The following SCN9A variants were observed in gnomAD, a reference collection of about 807,000 sequenced individuals.
The protein encoded by SCN9A is sodium voltage-gated channel alpha subunit 9.
In SCN9A, 131 loss-of-function variants were observed where a neutral mutation model predicts 187.0. The ratio of observed to expected loss-of-function variants is 0.70; its 90% confidence interval spans 0.61 to 0.81. SCN9A has a LOEUF of 0.81. SCN9A is among the 30% of genes least tolerant of loss of function. SCN9A has a pLI of 0.00. For synonymous variants in SCN9A, 809 were observed against 808.6 expected (o/e 1.00, Z -0.01); for missense variants, 2,252 against 2,396.6 (o/e 0.94, Z 1.26).
chr2:166,348,922 T>G (rs1699966486), intron 1 of SCN9A, among the ~76,000 whole-genome samples: 1 of 152,012 alleles, frequency 6.6e-6, no homozygotes, highest in African/African-American at 2.4e-5. Context: ...GGTCGGAAGT[T>G]CAAGACCAGC....
intron 22 of SCN9A, among the ~76,000 whole-genome samples, chr2:166,227,975 AT>A (rs1694911751): frequency 6.6e-6 from 1 of 152,092 alleles, no homozygotes; most frequent in Non-Finnish European, 1.5e-5. Context: ...ATAACCTTTT[AT>A]TTTTTAAAGG....
chr2:166,205,732 A>G (rs1020689496), intron 24 of SCN9A, among the ~76,000 whole-genome samples: 30 of 152,168 alleles, frequency 2.0e-4, no homozygotes, highest in Non-Finnish European at 3.8e-4. Context: ...GGCAACCTAC[A>G]GAATGGGAGA....
chr2:166,334,764 C>G (rs73969701), intron 1 of SCN9A, among the ~76,000 whole-genome samples: 2,093 of 152,202 alleles, frequency 0.014, 43 homozygotes, highest in African/African-American at 0.048. Flanking sequence ...TGTCCTATAG[C>G]ACTAGAAAAT....
intron 1 of SCN9A, among the ~76,000 whole-genome samples, chr2:166,317,582 A>G (rs570063206): frequency 7.9e-5 from 12 of 152,326 alleles, no homozygotes; most frequent in East Asian, 1.9e-4. Context: ...CTTATTTTCT[A>G]TGTATGCAGA....
intron 16 of SCN9A, 88 bp downstream of exon 16, chr2:166,276,895 A>G: frequency 1.1e-6 from 1 of 937,206 alleles, no homozygotes; most frequent in Non-Finnish European, 1.5e-6. Context: ...AGATATAATT[A>G]ATTATAAAAT....
At chr2:166,291,825 G>C (rs1319971627) in intron 9 of SCN9A, among the ~76,000 whole-genome samples, 2 of 152,156 alleles carry the variant, frequency 1.3e-5, no homozygotes, top group Non-Finnish European at 2.9e-5. Flanking sequence ...ATGTGGAAAG[G>C]ATTCCCTATA....
chr2:166,205,662 G>T (rs1693763214), intron 24 of SCN9A, among the ~76,000 whole-genome samples: 1 of 152,070 alleles, frequency 6.6e-6, no homozygotes, highest in African/African-American at 2.4e-5. Context: ...ACAGACAAAT[G>T]GGATCTAATT....
In SCN9A at chr2:166,349,439, AAT is replaced by A. The variant is rs1262688084; in HGVS notation, c.-51+26256_-51+26257del. ...CTGTTGTATTTGTTATCATTTTCTA[AAT>A]AGTCTCATTTTATTTATTTCAATTT... On this transcript the variant is annotated intron_variant, in intron 1 of 26. Coordinates refer to ENST00000642356, the MANE Select transcript of SCN9A (RefSeq NM_001365536.1). 4.6e-5 allele frequency among the ~76,000 whole-genome samples: 7 copies of A among 152,330 alleles called. No individual in the cohort carries two copies. In the East Asian group the frequency reaches 1.4e-3, roughly 29 times the overall value.
chr2:166,362,617 C>T (rs754694440), intron 1 of SCN9A, among the ~76,000 whole-genome samples: 2 of 151,938 alleles, frequency 1.3e-5, no homozygotes, highest in Non-Finnish European at 2.9e-5. Flanking sequence ...AATTCCTATC[C>T]TTCCTCAAAT....
rs1212910766 is a variant in SCN9A, at chr2:166,311,024, A to G, written c.258+475T>C. Among the ~76,000 whole-genome samples, 21 of 104,398 alleles carry G rather than the reference A, an allele frequency of 2.0e-4. 1 individual carries two copies. The highest frequency in any genetic ancestry group is 9.1e-4 in the African/African-American group (21 of 23,006). The allele number at this position is 104,398 out of a possible 152,430, so 68.5% of individuals were successfully genotyped here. On this transcript the variant is annotated intron_variant, in intron 2 of 26. Transcript: ENST00000642356. ...AAAAAACCAAACACCGCATATTCTC[A>G]CTCATAGGTGGGAATTGAACAATGA...
At chr2:166,227,170 C>T (rs1419509733) in intron 23 of SCN9A, among the ~76,000 whole-genome samples, 1 of 152,036 alleles carries the variant, frequency 6.6e-6, no homozygotes, top group Non-Finnish European at 1.5e-5. Flanking sequence ...TAGCATGGAA[C>T]TTATTTCACA....
intron 1 of SCN9A, among the ~76,000 whole-genome samples, chr2:166,347,947 T>G (rs142480223): frequency 6.6e-6 from 1 of 152,118 alleles, no homozygotes; most frequent in East Asian, 1.9e-4. Flanking sequence ...AAATACATGG[T>G]GTCTAGTCAT....
Position 166,304,334 on chromosome 2 carries a change from A to G in SCN9A, c.597-5T>C. On this transcript the variant is annotated splice_polypyrimidine_tract_variant and splice_region_variant and intron_variant, in intron 5 of 26. Transcript: ENST00000642356. ...TTTACAAATTCTGTTAAATACCTGT[A>G]GAATTAAATCAGAATTATTCAGAAT... is the stretch of plus-strand genomic sequence containing the variant. 1 of 1,607,802 alleles carries G rather than the reference A, an allele frequency of 6.2e-7. No homozygotes were observed.
intron 1 of SCN9A, among the ~76,000 whole-genome samples, chr2:166,374,536 G>A (rs961434406): frequency 6.6e-6 from 1 of 151,790 alleles, no homozygotes; most frequent in African/African-American, 2.4e-5. Context: ...TTTAAATAGT[G>A]GAAAAAATCT....
intron 9 of SCN9A, among the ~76,000 whole-genome samples, chr2:166,292,024 G>A (rs938684340): frequency 1.3e-5 from 2 of 152,116 alleles, no homozygotes; most frequent in South Asian, 2.1e-4. Context: ...AAGACTTCAT[G>A]ACAAAAATAC....
intron 18 of SCN9A, among the ~76,000 whole-genome samples, 198 bp from the exon 19 acceptor site, chr2:166,242,854 T>G (rs1011925499): frequency 6.6e-6 from 1 of 152,162 alleles, no homozygotes; most frequent in African/African-American, 2.4e-5. Flanking sequence ...TTCTAAATAG[T>G]TGTTAGTTAG....
chr2:166,362,492 C>T (rs1035728458), intron 1 of SCN9A, among the ~76,000 whole-genome samples: 4 of 151,916 alleles, frequency 2.6e-5, no homozygotes, highest in Non-Finnish European at 4.4e-5. Flanking sequence ...TTCTTACTTT[C>T]TGCCATTTTG....
chr2:166,252,943 T>C (rs142900214), intron 17 of SCN9A, among the ~76,000 whole-genome samples: 127 of 152,110 alleles, frequency 8.3e-4, no homozygotes, highest in Non-Finnish European at 1.4e-3. Context: ...AGCTACTAGT[T>C]ACTACAACAC....
intron 1 of SCN9A, among the ~76,000 whole-genome samples, chr2:166,338,773 C>A (rs992302361): frequency 1.3e-5 from 2 of 152,036 alleles, no homozygotes; most frequent in Non-Finnish European, 2.9e-5. Flanking sequence ...GAATACAAAT[C>A]AGTTATTTTG....
Sources: allele counts gnomAD v4.1 joint callset (sites outside exome capture counted in the v4.1 genomes callset), GRCh38; gene constraint gnomAD v4.1.1; transcripts MANE v1.5; gene names NCBI Gene and HGNC (gene_info 2026-07-23, HGNC 2026-07-21).